PCDH15: variants seen among roughly 807,000 people sequenced by gnomAD.
PCDH15 encodes the protein protocadherin-15.
In PCDH15, 129 loss-of-function variants were observed where a neutral mutation model predicts 178.5. The observed-to-expected ratio is 0.72, with a 90% CI of 0.63 to 0.84. The LOEUF (loss-of-function observed/expected upper bound fraction) is 0.84, where lower values mean the gene tolerates loss of function less well. Ranked by LOEUF, PCDH15 falls within the 40% of genes least tolerant of loss-of-function variation. The pLI, the probability that PCDH15 is intolerant of heterozygous loss-of-function variation, is 0.00. For synonymous variants in PCDH15, 800 were observed against 732.0 expected (o/e 1.09, Z -1.50); for missense variants, 2,230 against 2,099.9 (o/e 1.06, Z -1.21).
At chr10:54,268,901 A>G (rs187426468) in intron 8 of PCDH15, among the ~76,000 whole-genome samples, 1 of 151,962 alleles carries the variant, frequency 6.6e-6, no homozygotes, top group Admixed American at 6.6e-5. Context: ...CTTATTTTTA[A>G]AAACTATTTT....
intron 1 of PCDH15, among the ~76,000 whole-genome samples, chr10:54,754,050 G>A (rs547322753): frequency 2.7e-5 from 4 of 150,942 alleles, no homozygotes; most frequent in Admixed American, 2.6e-4. Context: ...GGATGGTCTC[G>A]ATCTCCTGAC....
intron 15 of PCDH15, among the ~76,000 whole-genome samples, chr10:54,099,239 G>A (rs938199476): frequency 6.6e-6 from 1 of 152,032 alleles, no homozygotes; most frequent in Non-Finnish European, 1.5e-5. Flanking sequence ...AGTGGCTCAC[G>A]CCTGTAATGC....
chr10:53,857,117 TAC>T, intron 28 of PCDH15, 56 bp downstream of exon 28: 1 of 1,218,756 alleles, frequency 8.2e-7, no homozygotes, highest in Non-Finnish European at 1.2e-6. Flanking sequence ...ATTTAAAAAA[TAC>T]AGTTAAAAAT....
intron 18 of PCDH15, among the ~76,000 whole-genome samples, chr10:54,030,632 C>T (rs1354522355): frequency 6.6e-6 from 1 of 151,936 alleles, no homozygotes; most frequent in East Asian, 1.9e-4. Flanking sequence ...CCCTAGAAAA[C>T]ACATATTTAA....
intron 2 of PCDH15, among the ~76,000 whole-genome samples, chr10:54,574,464 C>T (rs1465666595): frequency 1.3e-5 from 2 of 151,998 alleles, no homozygotes; most frequent in African/African-American, 2.4e-5. Flanking sequence ...TAGTGTGATG[C>T]CTCCAGCTTT....
intron 6 of PCDH15, 145 bp from the exon 7 acceptor site, chr10:54,329,851 T>C (rs1302397325): frequency 1.3e-5 from 9 of 682,422 alleles, no homozygotes; most frequent in Non-Finnish European, 1.9e-5. Context: ...AGAGTCAATA[T>C]TGTTATCATA....
intron 1 of PCDH15, among the ~76,000 whole-genome samples, chr10:54,711,318 A>T (rs1030990895): frequency 6.6e-6 from 1 of 152,012 alleles, no homozygotes; most frequent in African/African-American, 2.4e-5. Flanking sequence ...TGTTGATAAC[A>T]TATCTTTTGA....
At chr10:54,009,660 G>A (rs987186532) in intron 20 of PCDH15, among the ~76,000 whole-genome samples, 4 of 152,166 alleles carry the variant, frequency 2.6e-5, no homozygotes, top group African/African-American at 9.7e-5. Context: ...AGAGAACAGA[G>A]GAGAGCAAGA....
intron 8 of PCDH15, among the ~76,000 whole-genome samples, chr10:54,250,245 A>G (rs2056356231): frequency 6.8e-6 from 1 of 146,916 alleles, no homozygotes; most frequent in Non-Finnish European, 1.5e-5. Context: ...CAATGATGCC[A>G]TGCTTCTATA....
chr10:54,532,784 C>G (rs990675475), intron 2 of PCDH15, among the ~76,000 whole-genome samples: 1 of 151,806 alleles, frequency 6.6e-6, no homozygotes, highest in Non-Finnish European at 1.5e-5. Flanking sequence ...CAACTAATTC[C>G]AGGCCTGAGC....
chr10:54,939,257 G>A (rs1837993908), intron 2 of PCDH15, among the ~76,000 whole-genome samples: 1 of 151,830 alleles, frequency 6.6e-6, no homozygotes, highest in Admixed American at 6.6e-5. Flanking sequence ...TACTTTGGGA[G>A]GCTGAGGTGG....
chr10:54,798,214 T>C (rs956280293), intron 1 of PCDH15, among the ~76,000 whole-genome samples: 3 of 151,910 alleles, frequency 2.0e-5, no homozygotes, highest in African/African-American at 4.8e-5. Flanking sequence ...CAAAATTGAC[T>C]ATGAGCACTA....
In PCDH15 at chr10:53,959,716, G is replaced by T; in HGVS notation, c.3122+16C>A. 1 of 1,576,462 alleles carries T rather than the reference G, an allele frequency of 6.3e-7. No homozygotes were observed. The highest frequency in any genetic ancestry group is 2.2e-5 in the East Asian group (1 of 44,634). On this transcript the variant is annotated intron_variant, in intron 23 of 37. Transcript: ENST00000644397. ...TAAACATTTCGTGTATTTCAAAATC[G>T]GACAGAAATCAATACCTATATTCCT...
intron 3 of PCDH15, among the ~76,000 whole-genome samples, chr10:54,857,125 G>C (rs556436359): frequency 2.6e-5 from 4 of 152,086 alleles, no homozygotes; most frequent in African/African-American, 9.7e-5. Flanking sequence ...AATACTGTGG[G>C]TTTAGTGGAC....
chr10:55,077,494 TTTCCTTTCCTTCCTTCC>T (rs1841936352), intron 2 of PCDH15, among the ~76,000 whole-genome samples: 2 of 147,722 alleles, frequency 1.4e-5, no homozygotes, highest in Admixed American at 1.3e-4. Context: ...TCCTTCCTTC[TTTCCTTTCCTTCCTTCC>T]TTCCTTCTTT....
chr10:55,341,797 ATATATATATTTTTTTTTTTTTTTT>A (rs1226037661), intron 2 of PCDH15, among the ~76,000 whole-genome samples: 30 of 11,334 alleles, frequency 2.6e-3, no homozygotes, highest in Admixed American at 8.4e-3. Flanking sequence ...ATATATATAT[ATATATATATTTTTTTTTTTTTTTT>A]TTTTTTTTTT....
rs527967191 is a variant in PCDH15 at position 53,950,284 on chromosome 10, C to T, written c.3123-9309G>A. Among the ~76,000 whole-genome samples, 6 of 151,794 alleles carry T rather than the reference C, an allele frequency of 4.0e-5. No homozygotes were observed. In the South Asian group the frequency reaches 1.3e-3, roughly 32 times the overall value. On this transcript the variant is annotated intron_variant, in intron 23 of 37. Coordinates refer to ENST00000644397, the MANE Select transcript of PCDH15 (RefSeq NM_001384140.1). ...AACAAATATAACTTAGGGATATTTG[C>T]CCTTATTTTATTATATATATACCAG...
intron 2 of PCDH15, among the ~76,000 whole-genome samples, chr10:55,530,700 C>T (rs965618447): frequency 6.6e-5 from 10 of 151,822 alleles, no homozygotes; most frequent in Non-Finnish European, 1.2e-4. Context: ...TTATTTTTGT[C>T]TTTTGGGGGC....
At chr10:54,459,825 A>G (rs1331218835) in intron 3 of PCDH15, among the ~76,000 whole-genome samples, 1 of 152,070 alleles carries the variant, frequency 6.6e-6, no homozygotes, top group Non-Finnish European at 1.5e-5. Flanking sequence ...CTCCTATTTC[A>G]CTGGTCTCTT....
Sources: gnomAD v4.1 joint callset for allele counts (sites outside exome capture counted in the v4.1 genomes callset) on GRCh38, gnomAD v4.1.1 for gene constraint, MANE v1.5 for transcripts, NCBI Gene and HGNC (gene_info 2026-07-23, HGNC 2026-07-21) for gene names.